The following TRANK1 variants were observed in gnomAD, a reference collection of about 807,000 sequenced individuals.
TRANK1 encodes the protein tetratricopeptide repeat and ankyrin repeat containing 1.
Under a neutral mutation model 266.0 loss-of-function variants are expected in TRANK1, and 198 were observed. The observed-to-expected ratio is 0.74, with a 90% confidence interval of 0.66 to 0.84. The LOEUF is 0.84. TRANK1 is among the 40% of genes least tolerant of loss of function. TRANK1 has a pLI of 0.00. For missense variants in TRANK1, 3,326 were observed against 3,634.6 expected (o/e 0.92, Z 2.18); for synonymous variants, 1,396 against 1,384.1 (o/e 1.01, Z -0.19).
At chr3:36,829,821 G>T (rs1049769683) in intron 22 of TRANK1, among the ~76,000 whole-genome samples, 159 bp from the exon 23 acceptor site, 2 of 152,152 alleles carry the variant, frequency 1.3e-5, no homozygotes, top group African/African-American at 2.4e-5. Context: ...GCTGCCTTCT[G>T]CTGCTACAAG....
At chr3:36,850,588 G>A in intron 15 of TRANK1, 1 of 797,768 alleles carries the variant, frequency 1.3e-6, no homozygotes, top group Non-Finnish European at 1.5e-6. Context: ...GGGCAACACA[G>A]CAAGACCATA....
intron 1 of TRANK1, among the ~76,000 whole-genome samples, chr3:36,938,638 A>C (rs2080456361): frequency 6.6e-6 from 1 of 152,116 alleles, no homozygotes; most frequent in African/African-American, 2.4e-5. Flanking sequence ...CCACACTCCC[A>C]GCCTCCAGAG....
chr3:36,859,409 TC>T (rs1337099834), intron 11 of TRANK1, among the ~76,000 whole-genome samples: 1 of 152,020 alleles, frequency 6.6e-6, no homozygotes, highest in African/African-American at 2.4e-5. Flanking sequence ...CCTAATGCTA[TC>T]CCTCCGCTAA....
chr3:36,845,834 G>A (rs1034191394), intron 17 of TRANK1, among the ~76,000 whole-genome samples: 2 of 152,122 alleles, frequency 1.3e-5, no homozygotes, highest in Admixed American at 6.5e-5. Context: ...GCATACTTAC[G>A]CAGGTATCTT....
chr3:36,899,009 G>GA, intron 4 of TRANK1, 100 bp downstream of exon 4: 1 of 1,311,234 alleles, frequency 7.6e-7, no homozygotes, highest in Non-Finnish European at 1.0e-6. Context: ...CAGCCACAAA[G>GA]AAACACCCAG....
chr3:36,879,860 A>ATATATGTAAACATACAAG (rs2079479161), intron 8 of TRANK1, among the ~76,000 whole-genome samples: 1 of 108,410 alleles, frequency 9.2e-6, no homozygotes. Flanking sequence ...AAATATACAA[A>ATATATGTAAACATACAAG]TATATGTAAA....
chr3:36,919,548 C>T (rs888018253), intron 1 of TRANK1, among the ~76,000 whole-genome samples: 1 of 152,126 alleles, frequency 6.6e-6, no homozygotes, highest in African/African-American at 2.4e-5. Context: ...GAATTGTTTC[C>T]AGTTTGAGAC....
At chr3:36,923,757 T>A (rs945266887) in intron 1 of TRANK1, among the ~76,000 whole-genome samples, 8 of 152,010 alleles carry the variant, frequency 5.3e-5, no homozygotes, top group Non-Finnish European at 8.8e-5. Context: ...CGGCAGGAGC[T>A]ACACTCTGGT....
At chr3:36,850,826 T>C (rs962898902) in intron 15 of TRANK1, 3 of 985,260 alleles carry the variant, frequency 3.0e-6, no homozygotes, top group East Asian at 2.3e-4. Context: ...CTGGGGCAGA[T>C]TTTTAAAGTG....
At chr3:36,891,801 A>G (rs1376037590) in intron 7 of TRANK1, among the ~76,000 whole-genome samples, 1 of 152,232 alleles carries the variant, frequency 6.6e-6, no homozygotes, top group African/African-American at 2.4e-5. Flanking sequence ...TGTGTCCCAC[A>G]ACACAGCCGT....
chr3:36,889,184 G>GA (rs2079650954), intron 8 of TRANK1, among the ~76,000 whole-genome samples: 1 of 152,162 alleles, frequency 6.6e-6, no homozygotes, highest in African/African-American at 2.4e-5. Flanking sequence ...CACAGAGGCT[G>GA]AGAGTCCACT....
At chr3:36,851,440 G>T in intron 15 of TRANK1, 28 of 1,157,806 alleles carry the variant, frequency 2.4e-5, no homozygotes, top group Non-Finnish European at 3.0e-5. Context: ...GATAACAGTG[G>T]CTAATGAGAA....
chr3:36,868,508 T>C (rs2079260137), intron 9 of TRANK1, among the ~76,000 whole-genome samples: 1 of 152,214 alleles, frequency 6.6e-6, no homozygotes, highest in Admixed American at 6.5e-5. Context: ...AAAATCTTTT[T>C]ATAAGGTTTA....
At chr3:36,933,722 T>G (rs140106174) in intron 1 of TRANK1, among the ~76,000 whole-genome samples, 2 of 152,354 alleles carry the variant, frequency 1.3e-5, no homozygotes, top group African/African-American at 4.8e-5. Context: ...CCTGCAACAT[T>G]TACAGAACCT....
intron 7 of TRANK1, among the ~76,000 whole-genome samples, 172 bp downstream of exon 7, chr3:36,892,030 T>TA (rs1375592572): frequency 6.6e-6 from 1 of 152,228 alleles, no homozygotes; most frequent in African/African-American, 2.4e-5. Flanking sequence ...CCAGGAAAGA[T>TA]AAAAATGATA....
intron 1 of TRANK1, among the ~76,000 whole-genome samples, chr3:36,914,719 C>A (rs1236936979): frequency 6.7e-6 from 1 of 148,694 alleles, no homozygotes; most frequent in African/African-American, 2.5e-5. Context: ...CTCACTGCAA[C>A]CTCTGCCTCG....
intron 1 of TRANK1, among the ~76,000 whole-genome samples, chr3:36,918,408 T>C (rs28576724): frequency 0.37 from 55,569 of 149,588 alleles, 10,918 homozygotes; most frequent in Non-Finnish European, 0.45. Context: ...TTGTGTTTTT[T>C]ACCACAGTTA....
intron 9 of TRANK1, among the ~76,000 whole-genome samples, chr3:36,865,940 AAGAG>A (rs200675682): frequency 1.3e-4 from 19 of 149,078 alleles, no homozygotes; most frequent in African/African-American, 3.2e-4. Flanking sequence ...AAAGAAAAAA[AAGAG>A]AGAGAGAGAG....
intron 8 of TRANK1, among the ~76,000 whole-genome samples, chr3:36,886,993 G>A (rs891164779): frequency 2.8e-5 from 4 of 144,998 alleles, no homozygotes; most frequent in South Asian, 4.3e-4. Flanking sequence ...TGGAAGTTCC[G>A]CTTCCTGGGT....
Sources: allele counts gnomAD v4.1 joint callset (sites outside exome capture counted in the v4.1 genomes callset), GRCh38; gene constraint gnomAD v4.1.1; transcripts MANE v1.5; gene names NCBI Gene and HGNC (gene_info 2026-07-23, HGNC 2026-07-21).